COG1: variants seen among roughly 807,000 people sequenced by gnomAD.
COG1 encodes the protein conserved oligomeric Golgi complex subunit 1.
Under a neutral mutation model 102.2 loss-of-function variants are expected in COG1, and 61 were observed. The ratio of observed to expected loss-of-function variants is 0.60; its 90% CI spans 0.49 to 0.74. The LOEUF (loss-of-function observed/expected upper bound fraction) is 0.74, where lower values mean the gene tolerates loss of function less well. COG1 is among the 30% of genes least tolerant of loss of function. COG1 has a pLI of 0.00. For synonymous variants in COG1, 454 were observed against 493.6 expected (o/e 0.92, Z 1.06); for missense variants, 1,164 against 1,232.1 (o/e 0.94, Z 0.83).
chr17:73,208,324 C>T lies in COG1; in HGVS notation c.2816C>T (p.Pro939Leu), dbSNP rs763565694. 1.2e-5 allele frequency: 19 copies of T among 1,613,796 alleles called. No individual in the cohort carries two copies. Among genetic ancestry groups the T allele is most frequent in the South Asian group, 7.7e-5 (7 of 91,072 alleles). The change falls in exon 14 of 14, where the codon CCG becomes CTG. Residue 939 changes from proline to leucine, a missense_variant. Pro to Leu is a moderately conservative substitution (Grantham distance 98). Coordinates refer to ENST00000299886, the MANE Select transcript of COG1 (RefSeq NM_018714.3). ...TACATCCAATGGCAGGTTGTCCCCC[C>T]GGCACGCTCCACAGCTGGTGACCCG... The part of the protein sequence containing the change: ...NIETKAQVVP[P>L]ARSTAGDPTV...
chr17:73,194,160 T>TTTTTTTTTTTTTTTAGACGGA (rs1401190625), intron 1 of COG1, among the ~76,000 whole-genome samples: 1 of 147,098 alleles, frequency 6.8e-6, no homozygotes, highest in Non-Finnish European at 1.5e-5. Flanking sequence ...GAATTTTTAT[T>TTTTTTTTTTTTTTTAGACGGA]GGCCGGGTGC....
At chr17:73,206,312 A>G in intron 11 of COG1, 50 bp downstream of exon 11, 1 of 1,402,842 alleles carries the variant, frequency 7.1e-7, no homozygotes. Flanking sequence ...ATACAGGCTC[A>G]AATAACAAAA....
rs1161083557 is a variant in COG1, at chr17:73,201,361, C to G, written c.1534C>G (p.Pro512Ala). 3 of 1,614,166 alleles carry G rather than the reference C, an allele frequency of 1.9e-6. No homozygotes were observed. The African/African-American group carries it at 4.0e-5, about 22-fold the overall frequency. ...GLSMKAQAIS[P>A]CVQNFCSALD... ...CTCCATGAAAGCACAAGCCATCAGC[C>G]CTTGTGTACAGAACTTCTGTTCTGC... The change falls in exon 7 of 14, where the codon CCT (proline) becomes GCT (alanine). Residue 512 changes from proline to alanine, a missense_variant. Physicochemically the swap from Pro to Ala is conservative, Grantham distance 27. Coordinates refer to ENST00000299886, the MANE Select transcript of COG1 (RefSeq NM_018714.3).
chr17:73,205,860 G>T, intron 10 of COG1, 180 bp downstream of exon 10: 1 of 813,258 alleles, frequency 1.2e-6, no homozygotes, highest in Non-Finnish European at 2.0e-6. Context: ...AAATGCAATG[G>T]TCAAGTGAAA....
At chr17:73,202,183 C>T (rs561139356) in intron 7 of COG1, among the ~76,000 whole-genome samples, 38 of 151,986 alleles carry the variant, frequency 2.5e-4, no homozygotes, top group South Asian at 6.2e-4. Context: ...TAAAAAAATA[C>T]AAAAAATTAG....
chr17:73,197,829 T>C (rs754295572), intron 4 of COG1, among the ~76,000 whole-genome samples: 6 of 151,952 alleles, frequency 3.9e-5, no homozygotes, highest in Admixed American at 6.5e-5. Flanking sequence ...CAGTGAGGCA[T>C]TGGGTGAGGG....
intron 5 of COG1, 37 bp from the exon 6 acceptor site, chr17:73,200,528 GC>G: frequency 6.5e-7 from 1 of 1,531,124 alleles, no homozygotes; most frequent in Non-Finnish European, 9.1e-7. Flanking sequence ...TGAACACCAT[GC>G]CTCTGATGGA....
rs1171843159 is a variant in COG1, at chr17:73,196,650, CCA to C, written c.462_463del (p.His154GlnfsTer9). 1 of 1,614,222 alleles carries C rather than the reference CCA, an allele frequency of 6.2e-7. No individual in the cohort carries two copies. The highest frequency in any genetic ancestry group is 2.2e-5 in the East Asian group (1 of 44,888). ...TQLYLLCCHL[H>X]SLLQLDSSSS... Reference sequence around the variant, plus strand: ...AGCTCTACCTGCTCTGCTGCCACCTCCACAGCCTGCTCCAGCTGGATTCTTCT... The same window carrying C: ...AGCTCTACCTGCTCTGCTGCCACCTCCAGCCTGCTCCAGCTGGATTCTTCT... On this transcript the variant is annotated frameshift_variant, in exon 2 of 14. Transcript: ENST00000299886. LOFTEE classifies it high-confidence loss of function.
In COG1 at chr17:73,203,612, A is replaced by G. The variant is rs2145101005; in HGVS notation, c.2221-20A>G. The G allele has an allele frequency of 6.2e-7, 1 of 1,614,136 alleles. No individual in the cohort carries two copies. The highest frequency in any genetic ancestry group is 1.1e-5 in the South Asian group (1 of 91,086). ...TTAATTGGTGCAAGTTGGCAATGTG[A>G]CATTTCTTTGTTCTTTTAGCCGTCC... On this transcript the variant is annotated intron_variant, in intron 8 of 13. Transcript: ENST00000299886.
rs80232475 is a variant in COG1, at chr17:73,201,720, C to T, written c.1893C>T (p.Cys631=). 659 of 1,614,198 alleles carry T rather than the reference C, an allele frequency of 4.1e-4. 4 individuals carry two copies. In the African/African-American group the frequency reaches 7.7e-3, roughly 19 times the overall value. ...AGCTGTGCCCCCATCTGAAGCAGTG[C>T]ATCCTGGGAAAATCAGAGAGCTCAG... ...LGELCPHLKQ[C]ILGKSESSEK... Residue 631 remains cysteine (C), a synonymous_variant, in exon 7 of 14, where the codon TGC becomes TGT. Transcript: ENST00000299886.
chr17:73,205,416 A>G, intron 9 of COG1, 137 bp from the exon 10 acceptor site: 1 of 887,710 alleles, frequency 1.1e-6, no homozygotes, highest in Admixed American at 1.8e-5. Context: ...TTGTGAGATT[A>G]AACTGGCCAT....
chr17:73,195,097 C>T (rs2061320409), intron 1 of COG1, among the ~76,000 whole-genome samples: 1 of 152,208 alleles, frequency 6.6e-6, no homozygotes, highest in South Asian at 2.1e-4. Flanking sequence ...CTGAGTCATG[C>T]TTCAGGGTTT....
At chr17:73,193,513 A>G (rs954471616) in intron 1 of COG1, 129 bp downstream of exon 1, 36 of 885,296 alleles carry the variant, frequency 4.1e-5, no homozygotes, top group Non-Finnish European at 5.0e-5. Context: ...CCAGGAGCCT[A>G]TCCGCCCCTC....
chr17:73,199,521 A>G (rs1439009489), intron 4 of COG1, among the ~76,000 whole-genome samples: 1 of 152,046 alleles, frequency 6.6e-6, no homozygotes, highest in Admixed American at 6.6e-5. Context: ...GTCCAGTTTG[A>G]CCTTCCAAAG....
At chr17:73,195,835 C>A (rs1040682452) in intron 1 of COG1, among the ~76,000 whole-genome samples, 1 of 152,150 alleles carries the variant, frequency 6.6e-6, no homozygotes, top group Non-Finnish European at 1.5e-5. Context: ...ATCACTGGAA[C>A]CCGGGATGTT....
At chr17:73,198,600 A>T (rs1040200617) in intron 4 of COG1, among the ~76,000 whole-genome samples, 1 of 151,564 alleles carries the variant, frequency 6.6e-6, no homozygotes, top group Non-Finnish European at 1.5e-5. Flanking sequence ...AAAACGAAAG[A>T]GAGAAAACGT....
chr17:73,203,090 C>G lies in COG1; in HGVS notation c.2164C>G (p.Gln722Glu). ...TATSWDELEI[Q>E]EEAESGSSVT... is the part of the protein sequence containing the mutation. ...CACCAGCTGGGATGAGCTAGAAATT[C>G]AGGAGGAGGCAGAGTCTGGCAGCAG... Residue 722 changes from glutamine to glutamate, a missense_variant, in exon 8 of 14, where the codon CAG (glutamine) becomes GAG (glutamate). Transcript: ENST00000299886. 1 of 1,614,194 alleles carries G rather than the reference C, an allele frequency of 6.2e-7. No individual in the cohort carries two copies. The highest frequency in any genetic ancestry group is 8.5e-7 in the Non-Finnish European group (1 of 1,180,042).
intron 1 of COG1, among the ~76,000 whole-genome samples, chr17:73,194,364 C>A (rs2061316588): frequency 1.4e-5 from 2 of 144,230 alleles, no homozygotes; most frequent in East Asian, 4.1e-4. Flanking sequence ...ATGGCATGAA[C>A]CCGGGAGGCG....
chr17:73,197,684 C>A (rs2061331184), intron 4 of COG1, among the ~76,000 whole-genome samples: 1 of 152,198 alleles, frequency 6.6e-6, no homozygotes. Flanking sequence ...GAGAAGGCTT[C>A]CCTGGAGAAG....
Sources: gnomAD v4.1 joint callset for allele counts (sites outside exome capture counted in the v4.1 genomes callset) on GRCh38, gnomAD v4.1.1 for gene constraint, MANE v1.5 for transcripts, NCBI Gene and HGNC (gene_info 2026-07-23, HGNC 2026-07-21) for gene names.